CEP128: variants seen among roughly 807,000 people sequenced by gnomAD.
The protein encoded by CEP128 is centrosomal protein 128.
A neutral mutation model predicts 156.7 loss-of-function variants in CEP128; 132 were observed. That is an observed-to-expected ratio of 0.84 (90% CI 0.73 to 0.97). The LOEUF (loss-of-function observed/expected upper bound fraction) is 0.97. Ranked by LOEUF, CEP128 falls within the 50% of genes least tolerant of loss-of-function variation. The pLI is 0.00. For missense variants in CEP128, 1,252 were observed against 1,281.9 expected (o/e 0.98, Z 0.36); for synonymous variants, 469 against 448.9 (o/e 1.04, Z -0.57).
intron 16 of CEP128, among the ~76,000 whole-genome samples, chr14:80,770,352 C>T (rs1029207283): frequency 6.6e-6 from 1 of 152,180 alleles, no homozygotes; most frequent in Admixed American, 6.5e-5. Context: ...TTCTATGCAC[C>T]TTTATTTTTT....
intron 8 of CEP128, among the ~76,000 whole-genome samples, chr14:80,865,280 CA>C: frequency 6.6e-6 from 1 of 152,264 alleles, no homozygotes; most frequent in Non-Finnish European, 1.5e-5. Flanking sequence ...AAAAATTGAA[CA>C]ATATTCCATT....
chr14:80,767,361 T>C (rs1900290922), intron 16 of CEP128, among the ~76,000 whole-genome samples: 1 of 152,120 alleles, frequency 6.6e-6, no homozygotes, highest in African/African-American at 2.4e-5. Context: ...AGCTTATTTC[T>C]CAAAACTAGA....
rs943084929 is a variant in CEP128 at position 80,562,310 on chromosome 14, G to A, written c.2857-3008C>T. Among the ~76,000 whole-genome samples the A allele has an allele frequency of 1.2e-4, 18 of 149,704 alleles. No individual in the cohort carries two copies. In the Admixed American group the frequency reaches 1.2e-3, roughly 10 times the overall value. On this transcript the variant is annotated intron_variant, in intron 20 of 24. Coordinates refer to ENST00000555265, the MANE Select transcript of CEP128 (RefSeq NM_152446.5). ...AAAACTGTATGTCAAAAAACATGAG[G>A]AAATTAGAGAAACAGAAAATTTAGT...
intron 19 of CEP128, among the ~76,000 whole-genome samples, chr14:80,633,650 C>T (rs1277708638): frequency 2.0e-5 from 3 of 152,184 alleles, no homozygotes; most frequent in African/African-American, 7.2e-5. Context: ...CAAGACTTCC[C>T]ACTACGTATT....
At chr14:80,855,894 C>T (rs1887129388) in intron 9 of CEP128, among the ~76,000 whole-genome samples, 1 of 152,114 alleles carries the variant, frequency 6.6e-6, no homozygotes, top group Admixed American at 6.5e-5. Context: ...AAGCTTCTCC[C>T]TTAATGAGTC....
At chr14:80,782,022 C>A (rs1329465871) in intron 15 of CEP128, among the ~76,000 whole-genome samples, 5 of 152,192 alleles carry the variant, frequency 3.3e-5, no homozygotes, top group Admixed American at 3.3e-4. Context: ...CAAACCATTT[C>A]TCTATGCCAT....
At chr14:80,921,159 T>C (rs1160627182) in intron 2 of CEP128, among the ~76,000 whole-genome samples, 1 of 152,196 alleles carries the variant, frequency 6.6e-6, no homozygotes, top group African/African-American at 2.4e-5. Context: ...TCTGTATGTG[T>C]ATATAAATTA....
At chr14:80,682,545 T>C (rs1896364216) in intron 19 of CEP128, among the ~76,000 whole-genome samples, 1 of 152,308 alleles carries the variant, frequency 6.6e-6, no homozygotes, top group South Asian at 2.1e-4. Flanking sequence ...TTCAAGAAAC[T>C]GTCCCTGTTC....
intron 19 of CEP128, among the ~76,000 whole-genome samples, chr14:80,667,816 C>T (rs1408116473): frequency 6.8e-6 from 1 of 147,178 alleles, no homozygotes; most frequent in African/African-American, 2.6e-5. Flanking sequence ...CTAGATTGCG[C>T]CACTGCACTC....
chr14:80,902,334 T>C (rs1399288856), intron 6 of CEP128, among the ~76,000 whole-genome samples: 3 of 152,206 alleles, frequency 2.0e-5, no homozygotes, highest in African/African-American at 4.8e-5. Flanking sequence ...TGTTAAGATA[T>C]TGTTCTCTGT....
intron 12 of CEP128, 67 bp from the exon 13 acceptor site, chr14:80,831,361 T>C: frequency 6.8e-7 from 1 of 1,476,408 alleles, no homozygotes; most frequent in Admixed American, 1.9e-5. Flanking sequence ...TTTCAAATAG[T>C]ACTGAGCCCT....
intron 8 of CEP128, among the ~76,000 whole-genome samples, chr14:80,880,783 A>G (rs1482314343): frequency 6.7e-6 from 1 of 150,200 alleles, no homozygotes; most frequent in East Asian, 1.9e-4. Context: ...GAATGGCGTG[A>G]ATCTCGGAGG....
intron 16 of CEP128, among the ~76,000 whole-genome samples, chr14:80,775,915 T>C (rs1992973): frequency 0.34 from 51,080 of 152,078 alleles, 9,784 homozygotes; most frequent in Non-Finnish European, 0.43. Flanking sequence ...TCGCTGCGAC[T>C]TTCCGCCCCC....
chr14:80,894,899 A>T (rs1889274656), intron 8 of CEP128, among the ~76,000 whole-genome samples: 1 of 151,908 alleles, frequency 6.6e-6, no homozygotes, highest in Admixed American at 6.6e-5. Context: ...CAAATTAACA[A>T]CTGGAGAAAA....
At chr14:80,873,323 A>T (rs1221249976) in intron 8 of CEP128, among the ~76,000 whole-genome samples, 1 of 152,236 alleles carries the variant, frequency 6.6e-6, no homozygotes, top group Admixed American at 6.5e-5. Context: ...AATTCAGCTA[A>T]CTGCTAACTT....
chr14:80,674,455 CATATT>C (rs1442974441), intron 19 of CEP128, among the ~76,000 whole-genome samples: 2 of 152,056 alleles, frequency 1.3e-5, no homozygotes, highest in Admixed American at 6.5e-5. Flanking sequence ...TTCTGCAAAA[CATATT>C]ATGAGGTTCT....
intron 18 of CEP128, among the ~76,000 whole-genome samples, chr14:80,744,308 T>C (rs1039648042): frequency 1.3e-5 from 2 of 152,146 alleles, no homozygotes; most frequent in African/African-American, 4.8e-5. Context: ...TTCCTAGTTA[T>C]ATATGAAATG....
intron 19 of CEP128, among the ~76,000 whole-genome samples, chr14:80,637,986 T>G (rs973611719): frequency 6.6e-6 from 1 of 152,194 alleles, no homozygotes; most frequent in Non-Finnish European, 1.5e-5. Context: ...CACTTTGATT[T>G]TGGCTCAGCA....
At chr14:80,741,831 C>T (rs1017720369) in intron 19 of CEP128, among the ~76,000 whole-genome samples, 2 of 151,902 alleles carry the variant, frequency 1.3e-5, no homozygotes, top group Non-Finnish European at 2.9e-5. Context: ...GTTTCGCTGC[C>T]TTTCACCTTC....
Sources: allele counts gnomAD v4.1 joint callset (sites outside exome capture counted in the v4.1 genomes callset), GRCh38; gene constraint gnomAD v4.1.1; transcripts MANE v1.5; gene names NCBI Gene and HGNC (gene_info 2026-07-23, HGNC 2026-07-21).